The following C11orf97 variants were observed in gnomAD, a reference collection of about 807,000 sequenced individuals.
The protein encoded by C11orf97 is uncharacterized protein C11orf97.
C11orf97 carries 15 observed loss-of-function variants against 16.2 expected under a neutral mutation model. The observed-to-expected ratio is 0.93, with a 90% CI of 0.62 to 1.43. The LOEUF (loss-of-function observed/expected upper bound fraction) is 1.43. Ranked by LOEUF, C11orf97 falls within the 40% of genes most tolerant of loss-of-function variation. The pLI, the probability that C11orf97 is intolerant of heterozygous loss-of-function variation, is 0.00. For synonymous variants in C11orf97, 61 were observed against 65.7 expected, an observed-to-expected ratio of 0.93 and a Z score of 0.34; for missense variants, 171 against 161.2, an observed-to-expected ratio of 1.06 and a Z score of -0.33.
chr11:94,517,532 A>G, intron 1 of C11orf97, 51 bp from the exon 2 acceptor site: 1 of 1,085,222 alleles, frequency 9.2e-7, no homozygotes. Context: ...AATGGCTAGA[A>G]GATTGGGCAG....
At chr11:94,531,108 A>G (rs780729895) in intron 3 of C11orf97, among the ~76,000 whole-genome samples, 9 of 152,204 alleles carry the variant, frequency 5.9e-5, no homozygotes, top group Non-Finnish European at 1.2e-4. Flanking sequence ...GTAGTTCTAA[A>G]GCATGTTTCC....
At chr11:94,513,902 G>T (rs1397003893) in intron 1 of C11orf97, among the ~76,000 whole-genome samples, 2 of 152,138 alleles carry the variant, frequency 1.3e-5, no homozygotes, top group Non-Finnish European at 2.9e-5. Flanking sequence ...CAGCCTCCTG[G>T]GTTCAAGCAA....
intron 3 of C11orf97, 28 bp from the exon 4 acceptor site, chr11:94,531,868 A>G (rs1947741867): frequency 7.1e-7 from 1 of 1,413,000 alleles, no homozygotes; most frequent in Admixed American, 3.1e-5. Flanking sequence ...TAAAACACTT[A>G]TTTTTTCACT....
At position 94,528,154 on chromosome 11, in the gene C11orf97, C is replaced by G; in HGVS notation, c.321C>G (p.Ser107Arg). Residue 107 changes from serine to arginine, a missense_variant, in exon 3 of 4, where the codon AGC becomes AGG. Physicochemically the swap from Ser to Arg is moderately radical, Grantham distance 110. Coordinates refer to ENST00000542198, the MANE Select transcript of C11orf97 (RefSeq NM_001190462.2). ...GAGGCTTGAAGCCAGGACTGCCGAG[C>G]AGAAACAGTTTATTGCCACAAGCCA... ...PVGGLKPGLP[S>R]RNSLLPQAKY... 1 of 1,535,950 alleles carries G rather than the reference C, an allele frequency of 6.5e-7. No individual in the cohort carries two copies. Among genetic ancestry groups the G allele is most frequent in the Non-Finnish European group, 8.7e-7 (1 of 1,146,806 alleles).
chr11:94,517,574 C>T lies in C11orf97; in HGVS notation c.146-9C>T. Reference sequence around the variant, plus strand: ...TACTAAGTAATTGATTTTGTTAATGCCTTTATAGGGAAGAAATTTTTATAT... The same window carrying T: ...TACTAAGTAATTGATTTTGTTAATGTCTTTATAGGGAAGAAATTTTTATAT... On this transcript the variant is annotated splice_polypyrimidine_tract_variant and intron_variant, in intron 1 of 3. Transcript: ENST00000542198. The T allele has an allele frequency of 6.7e-7, 1 of 1,483,932 alleles. No individual in the cohort carries two copies. The highest frequency in any genetic ancestry group is 9.0e-7 in the Non-Finnish European group (1 of 1,107,504). The allele number at this position is 1,483,932 out of a possible 1,614,324, so 91.9% of individuals were successfully genotyped here.
At chr11:94,515,302 A>T (rs893897689) in intron 1 of C11orf97, among the ~76,000 whole-genome samples, 5 of 151,842 alleles carry the variant, frequency 3.3e-5, no homozygotes, top group African/African-American at 1.2e-4. Context: ...CAGGAAAAAA[A>T]ACAAAAAACA....
In C11orf97 at chr11:94,517,643, G is replaced by T. The variant is rs758305525; in HGVS notation, c.206G>T (p.Arg69Leu). 4 of 1,532,820 alleles carry T rather than the reference G, an allele frequency of 2.6e-6. No individual in the cohort carries two copies. The highest frequency in any genetic ancestry group is 3.5e-6 in the Non-Finnish European group (4 of 1,145,786). 95.0% of individuals were successfully genotyped at this position (1,532,820 alleles called of 1,614,324 possible). Residue 69 changes from arginine (R) to leucine (L), a missense_variant, in exon 2 of 4, where the codon CGT becomes CTT. Coordinates refer to ENST00000542198, the MANE Select transcript of C11orf97 (RefSeq NM_001190462.2). Reference protein sequence around the residue: ...KRIKEVLEEERHIKRDECHIK... With the variant: ...KRIKEVLEEELHIKRDECHIK... Reference sequence around the variant, plus strand: ...ATTAAGGAAGTACTGGAAGAAGAACGTCATATTAAGAGAGATGAATGCCAC... The same window carrying T: ...ATTAAGGAAGTACTGGAAGAAGAACTTCATATTAAGAGAGATGAATGCCAC...
chr11:94,522,399 TG>T (rs1364639204), intron 2 of C11orf97, among the ~76,000 whole-genome samples: 3 of 151,906 alleles, frequency 2.0e-5, no homozygotes, highest in Admixed American at 6.6e-5. Context: ...TAGCCGGGCG[TG>T]GTGGCGGGTG....
chr11:94,521,651 T>C (rs79823196), intron 2 of C11orf97, among the ~76,000 whole-genome samples: 3,073 of 152,336 alleles, frequency 0.02, 55 homozygotes, highest in South Asian at 0.034. Flanking sequence ...TATCTGAGGA[T>C]AGGGGCTTAA....
chr11:94,514,640 C>CT (rs10562282), intron 1 of C11orf97, among the ~76,000 whole-genome samples: 2,283 of 82,386 alleles, frequency 0.028, 54 homozygotes, highest in Middle Eastern at 0.039. Flanking sequence ...TTATTTTTGC[C>CT]TTTTTTTTTT....
At chr11:94,516,987 G>A (rs572309397) in intron 1 of C11orf97, among the ~76,000 whole-genome samples, 1 of 152,156 alleles carries the variant, frequency 6.6e-6, no homozygotes, top group Non-Finnish European at 1.5e-5. Context: ...ACATTTCTGA[G>A]AAGAAATGTA....
At position 94,531,913 on chromosome 11, in the gene C11orf97, T is replaced by C. The variant is rs1449023481; in HGVS notation, c.*13T>C. ...AACTCTAGGATAAGATGAATTAGATTTTCCATTAAGAAGGAACCTCTTTCT... is the reference window on the plus strand; with the variant it reads ...AACTCTAGGATAAGATGAATTAGATCTTCCATTAAGAAGGAACCTCTTTCT... On this transcript the variant is annotated 3_prime_UTR_variant, in exon 4 of 4. Coordinates refer to ENST00000542198, the MANE Select transcript of C11orf97 (RefSeq NM_001190462.2). 3 of 1,466,530 alleles carry C rather than the reference T, an allele frequency of 2.0e-6. No individual in the cohort carries two copies. The highest frequency in any genetic ancestry group is 1.8e-6 in the Non-Finnish European group (2 of 1,112,376). 90.8% of individuals were successfully genotyped at this position (1,466,530 alleles called of 1,614,324 possible). A position where few individuals can be genotyped will look rare whatever the true frequency, so the allele number is the denominator to read the frequency against.
rs1313575370 is a variant in C11orf97, at chr11:94,531,911, A to C, written c.*11A>C. ...TTAACTCTAGGATAAGATGAATTAG[A>C]TTTTCCATTAAGAAGGAACCTCTTT... On this transcript the variant is annotated 3_prime_UTR_variant, in exon 4 of 4. Coordinates refer to ENST00000542198, the MANE Select transcript of C11orf97 (RefSeq NM_001190462.2). 6.8e-7 allele frequency: 1 copy of C among 1,465,536 alleles called. No homozygotes were observed. The highest frequency in any genetic ancestry group is 9.0e-7 in the Non-Finnish European group (1 of 1,111,404). 90.8% of individuals were successfully genotyped at this position (1,465,536 alleles called of 1,614,324 possible). A position where few individuals can be genotyped will look rare whatever the true frequency, so the allele number is the denominator to read the frequency against.
intron 2 of C11orf97, among the ~76,000 whole-genome samples, chr11:94,526,791 G>C (rs1419746067): frequency 6.6e-6 from 1 of 152,196 alleles, no homozygotes; most frequent in Non-Finnish European, 1.5e-5. Flanking sequence ...TTAAACAGAA[G>C]GAGATTGTGC....
intron 2 of C11orf97, among the ~76,000 whole-genome samples, chr11:94,523,995 T>C (rs1947679632): frequency 6.6e-6 from 1 of 152,170 alleles, no homozygotes; most frequent in Non-Finnish European, 1.5e-5. Flanking sequence ...TTTGATTCCT[T>C]GTAGGCTCCT....
intron 2 of C11orf97, among the ~76,000 whole-genome samples, chr11:94,526,380 A>G (rs1014688535): frequency 6.6e-6 from 1 of 152,258 alleles, no homozygotes; most frequent in Non-Finnish European, 1.5e-5. Context: ...AGAGTTTCAG[A>G]TGCATTTCTG....
intron 2 of C11orf97, among the ~76,000 whole-genome samples, chr11:94,527,760 G>A (rs972569919): frequency 7.9e-5 from 12 of 152,170 alleles, no homozygotes; most frequent in African/African-American, 2.2e-4. Flanking sequence ...ATCAGATAAA[G>A]TTGACTAAAT....
rs1369075917 is a variant in C11orf97 at position 94,531,953 on chromosome 11, A to C, written c.*53A>C. ...AACCTCTTTCTGCTGATGTCTGAAG[A>C]ACGGAGAAGAAACTCAAGCTTGTTT... On this transcript the variant is annotated 3_prime_UTR_variant, in exon 4 of 4. Coordinates refer to ENST00000542198, the MANE Select transcript of C11orf97 (RefSeq NM_001190462.2). The C allele has an allele frequency of 3.6e-6, 5 of 1,391,622 alleles. No homozygotes were observed. The highest frequency in any genetic ancestry group is 4.7e-6 in the Non-Finnish European group (5 of 1,058,190). 86.2% of individuals were successfully genotyped at this position (1,391,622 alleles called of 1,614,324 possible). A position where few individuals can be genotyped will look rare whatever the true frequency, so the allele number is the denominator to read the frequency against.
intron 1 of C11orf97, among the ~76,000 whole-genome samples, chr11:94,512,944 AAC>A (rs10560506): frequency 0.65 from 97,528 of 150,622 alleles, 31,505 homozygotes; most frequent in Non-Finnish European, 0.67. Context: ...GAAAGGAATT[AAC>A]ACACACACAC....
Sources: allele counts gnomAD v4.1 joint callset (sites outside exome capture counted in the v4.1 genomes callset), GRCh38; gene constraint gnomAD v4.1.1; transcripts MANE v1.5; gene names NCBI Gene and HGNC (gene_info 2026-07-23, HGNC 2026-07-21).